KCNQ5: variants seen among roughly 807,000 people sequenced by gnomAD.
KCNQ5 encodes potassium voltage-gated channel subfamily Q member 5.
KCNQ5 carries 30 observed loss-of-function variants against 98.2 expected under a neutral mutation model. That is an observed-to-expected ratio of 0.31 (90% confidence interval 0.23 to 0.41). The LOEUF is 0.41. Among genes scored for constraint, KCNQ5 ranks in the 10% least tolerant of loss-of-function variants. The probability of loss-of-function intolerance (pLI) is 1.00; values close to 1 mark genes in which losing one functional copy is unlikely to be tolerated. For missense variants in KCNQ5, 835 were observed against 1,182.5 expected, an observed-to-expected ratio of 0.71 and a Z score of 4.31; for synonymous variants, 458 against 449.4, an observed-to-expected ratio of 1.02 and a Z score of -0.24.
intron 1 of KCNQ5, among the ~76,000 whole-genome samples, chr6:72,626,138 G>A (rs2098917884): frequency 6.6e-6 from 1 of 152,222 alleles, no homozygotes; most frequent in East Asian, 1.9e-4. Flanking sequence ...GCCAGCAAGG[G>A]ACTACTACAA....
At chr6:72,878,421 CT>C (rs113272962) in intron 1 of KCNQ5, among the ~76,000 whole-genome samples, 38,993 of 151,906 alleles carry the variant, frequency 0.26, 5,282 homozygotes, top group Non-Finnish European at 0.29. Flanking sequence ...CCCCAGGAGG[CT>C]TTTTTTCCCC....
chr6:72,636,723 G>A (rs1274278239), intron 1 of KCNQ5, among the ~76,000 whole-genome samples: 1 of 152,022 alleles, frequency 6.6e-6, no homozygotes, highest in Admixed American at 6.6e-5. Flanking sequence ...GGAACTATAG[G>A]GCTTAACATA....
At chr6:73,056,987 C>T (rs1465457272) in intron 3 of KCNQ5, among the ~76,000 whole-genome samples, 1 of 151,986 alleles carries the variant, frequency 6.6e-6, no homozygotes, top group Non-Finnish European at 1.5e-5. Flanking sequence ...GGTATATACT[C>T]AAAGGATTAT....
Position 72,785,605 on chromosome 6 carries a change from G to A in KCNQ5, c.398+163018G>A, listed in dbSNP as rs139854905. ...GTGGAGGTTGCAGTGAGCCAAGATCGCACCATTGCACTCCAGCCTGGGCAA... is the reference window on the plus strand; with the variant it reads ...GTGGAGGTTGCAGTGAGCCAAGATCACACCATTGCACTCCAGCCTGGGCAA... On this transcript the variant is annotated intron_variant, in intron 1 of 13. Transcript: ENST00000370398. Among the ~76,000 whole-genome samples the A allele has an allele frequency of 7.9e-4, 120 of 150,990 alleles. 1 individual carries two copies. In the East Asian group the frequency reaches 0.015, roughly 18 times the overall value.
Position 72,835,900 on chromosome 6 carries a change from T to G in KCNQ5, c.399-168008T>G, listed in dbSNP as rs556929322. On this transcript the variant is annotated intron_variant, in intron 1 of 13. Transcript: ENST00000370398. ...TCTTCATAATGGAATGACTATATAA[T>G]AGTATATCACTGTGCTGCTTCTCAG... Among the ~76,000 whole-genome samples the G allele has an allele frequency of 5.2e-4, 79 of 152,346 alleles. No individual in the cohort carries two copies. The South Asian group carries it at 0.016, about 31-fold the overall frequency.
intron 1 of KCNQ5, among the ~76,000 whole-genome samples, chr6:72,888,639 G>A (rs913556081): frequency 2.6e-5 from 4 of 152,108 alleles, no homozygotes; most frequent in African/African-American, 4.8e-5. Flanking sequence ...TAGTGACAAC[G>A]ACTGTAAAAC....
chr6:73,143,755 T>C (rs780412397), intron 10 of KCNQ5, among the ~76,000 whole-genome samples: 2 of 152,198 alleles, frequency 1.3e-5, no homozygotes, highest in Non-Finnish European at 2.9e-5. Flanking sequence ...ACTGTTTGTC[T>C]GTAAGTTTTA....
chr6:73,060,595 A>G (rs1772734285), intron 3 of KCNQ5, among the ~76,000 whole-genome samples: 1 of 152,152 alleles, frequency 6.6e-6, no homozygotes, highest in Non-Finnish European at 1.5e-5. Context: ...GATAAACTAA[A>G]CAGCAACGTC....
chr6:73,143,310 C>A (rs1030013712), intron 10 of KCNQ5: 2 of 152,152 alleles, frequency 1.3e-5, no homozygotes, highest in Admixed American at 6.5e-5. Flanking sequence ...TGGACCAATG[C>A]AAAGTATCTT....
intron 1 of KCNQ5, among the ~76,000 whole-genome samples, chr6:72,897,397 C>A (rs936418724): frequency 2.6e-5 from 4 of 151,992 alleles, no homozygotes; most frequent in Admixed American, 6.6e-5. Context: ...AAAAAATTAG[C>A]CGGGCATGGT....
Position 72,622,674 on chromosome 6 carries a change from G to T in KCNQ5, c.398+87G>T. On this transcript the variant is annotated intron_variant, in intron 1 of 13. Transcript: ENST00000370398. This position sits in a 1 kb window ranked among gnomAD's most constrained non-coding sequence, Gnocchi z 6.0. Reference sequence around the variant, plus strand: ...GCGTGCTCCGCGCTCGCGCCCTTGGGCCCCCGCGCGCGTGCACACGTGGTG... The same window carrying T: ...GCGTGCTCCGCGCTCGCGCCCTTGGTCCCCCGCGCGCGTGCACACGTGGTG... 2.7e-6 allele frequency: 4 copies of T among 1,476,862 alleles called. No homozygotes were observed. Among genetic ancestry groups the T allele is most frequent in the Middle Eastern group, 3.7e-4 (2 of 5,390 alleles). 91.5% of individuals were successfully genotyped at this position (1,476,862 alleles called of 1,614,324 possible).
intron 1 of KCNQ5, among the ~76,000 whole-genome samples, chr6:72,921,034 G>C (rs1582019641): frequency 6.6e-6 from 1 of 152,202 alleles, no homozygotes; most frequent in East Asian, 1.9e-4. Flanking sequence ...AAAGAATAGT[G>C]AAACAAAGCC....
intron 1 of KCNQ5, among the ~76,000 whole-genome samples, chr6:72,797,364 G>T (rs1056331963): frequency 1.3e-5 from 2 of 151,936 alleles, no homozygotes; most frequent in African/African-American, 4.8e-5. Flanking sequence ...AATTAGCTGG[G>T]AATGTTGGCA....
At chr6:72,977,319 C>A (rs1389828564) in intron 1 of KCNQ5, among the ~76,000 whole-genome samples, 1 of 152,078 alleles carries the variant, frequency 6.6e-6, no homozygotes, top group Non-Finnish European at 1.5e-5. Context: ...AAGTAGCACA[C>A]AAAAGCATCA....
At chr6:72,897,116 T>C (rs1048009838) in intron 1 of KCNQ5, among the ~76,000 whole-genome samples, 9 of 151,830 alleles carry the variant, frequency 5.9e-5, no homozygotes, top group African/African-American at 1.7e-4. Context: ...AAGAGCAGAG[T>C]ACTCCAGGCA....
chr6:72,946,072 C>CTGCTGA (rs1766532079), intron 1 of KCNQ5, among the ~76,000 whole-genome samples: 1 of 152,166 alleles, frequency 6.6e-6, no homozygotes, highest in Non-Finnish European at 1.5e-5. Flanking sequence ...TCACGAACCA[C>CTGCTGA]AGTATTTTAC....
chr6:73,045,635 A>T lies in KCNQ5; in HGVS notation c.616+3573A>T, dbSNP rs10455269. On this transcript the variant is annotated intron_variant, in intron 3 of 13. Transcript: ENST00000370398. ...CATCGGCATAAAGAATTTGTGAATA[A>T]CCTCTAAGACTGATTTCATAGTCAT... Among the ~76,000 whole-genome samples, 930 of 152,304 alleles carry T rather than the reference A, an allele frequency of 6.1e-3. 8 individuals are homozygous for T. Among genetic ancestry groups the T allele is most frequent in the Non-Finnish European group, 9.4e-3 (639 of 68,020 alleles).
chr6:72,807,366 ATTATC>A (rs560357184), intron 1 of KCNQ5, among the ~76,000 whole-genome samples: 80 of 152,282 alleles, frequency 5.3e-4, no homozygotes, highest in South Asian at 3.5e-3. Flanking sequence ...TTATGCAATA[ATTATC>A]TTTACTTTCA....
chr6:72,807,185 T>A (rs2150100034), intron 1 of KCNQ5, among the ~76,000 whole-genome samples: 1 of 152,282 alleles, frequency 6.6e-6, no homozygotes, highest in Admixed American at 6.5e-5. Context: ...GATAGCATCA[T>A]GTCTGGGTTC....
Sources: gnomAD v4.1 joint callset for allele counts (sites outside exome capture counted in the v4.1 genomes callset) on GRCh38, gnomAD v4.1.1 for gene constraint, Gnocchi (gnomAD v3.1) non-coding constraint, MANE v1.5 for transcripts, NCBI Gene and HGNC (gene_info 2026-07-23, HGNC 2026-07-21) for gene names.